Variants in NRG3 observed in about 807,000 individuals in gnomAD.
NRG3 encodes neuregulin 3, also known as pro-neuregulin-3, membrane-bound isoform.
Under a neutral mutation model 66.9 loss-of-function variants are expected in NRG3, and 31 were observed. The observed-to-expected ratio is 0.46, with a 90% CI of 0.35 to 0.63. NRG3 has a LOEUF of 0.63. NRG3 is among the 20% of genes least tolerant of loss of function. The probability of loss-of-function intolerance (pLI) is 0.00; values close to 1 mark genes in which losing one functional copy is unlikely to be tolerated. For missense variants in NRG3, 910 were observed against 878.9 expected (o/e 1.04, Z -0.45); for synonymous variants, 393 against 359.4 (o/e 1.09, Z -1.06).
At chr10:82,078,005 T>G (rs916671561) in intron 1 of NRG3, among the ~76,000 whole-genome samples, 5 of 152,314 alleles carry the variant, frequency 3.3e-5, no homozygotes, top group African/African-American at 1.2e-4. Context: ...CAATCTCCAG[T>G]TGGGCCCTTG....
chr10:82,936,805 G>A (rs917377097), intron 4 of NRG3, among the ~76,000 whole-genome samples: 4 of 152,106 alleles, frequency 2.6e-5, no homozygotes, highest in South Asian at 2.1e-4. Context: ...GAAGACAACT[G>A]TTAAACATAG....
At chr10:81,962,964 G>A (rs558772154) in intron 1 of NRG3, among the ~76,000 whole-genome samples, 22 of 152,122 alleles carry the variant, frequency 1.4e-4, no homozygotes, top group African/African-American at 5.3e-4. Context: ...GACACAACTC[G>A]CCCTGTTGCT....
At chr10:82,679,505 T>C (rs990959267) in intron 2 of NRG3, among the ~76,000 whole-genome samples, 2 of 152,202 alleles carry the variant, frequency 1.3e-5, no homozygotes, top group African/African-American at 4.8e-5. Flanking sequence ...TCTAAGTCTT[T>C]ACATATATTA....
In NRG3 at chr10:81,925,529, T is replaced by C. The variant is rs183163386; in HGVS notation, c.823+49366T>C. Reference sequence around the variant, plus strand: ...ATTTGTAAGGGCTGCCACACTGAGGTTGTGCTTGCAAATATGAAGTGCAAA... The same window carrying C: ...ATTTGTAAGGGCTGCCACACTGAGGCTGTGCTTGCAAATATGAAGTGCAAA... On this transcript the variant is annotated intron_variant, in intron 1 of 8. Coordinates refer to ENST00000372141, the MANE Select transcript of NRG3 (RefSeq NM_001010848.4). 1.2e-3 allele frequency among the ~76,000 whole-genome samples: 177 copies of C among 152,260 alleles called. 1 individual carries two copies. Among genetic ancestry groups the C allele is most frequent in the Middle Eastern group, 0.01 (3 of 294 alleles).
intron 1 of NRG3, among the ~76,000 whole-genome samples, chr10:82,098,729 G>T (rs1372637297): frequency 6.6e-6 from 1 of 152,016 alleles, no homozygotes. Context: ...TTCCCAATTT[G>T]TGGTTTGTCT....
At chr10:82,973,111 T>A (rs1851920940) in intron 6 of NRG3, among the ~76,000 whole-genome samples, 1 of 152,190 alleles carries the variant, frequency 6.6e-6, no homozygotes, top group South Asian at 2.1e-4. Flanking sequence ...GTTGACAACT[T>A]ATTGGCTCTT....
chr10:82,571,118 G>A (rs938121166), intron 2 of NRG3, among the ~76,000 whole-genome samples: 8 of 151,186 alleles, frequency 5.3e-5, no homozygotes, highest in African/African-American at 1.9e-4. Flanking sequence ...TTTTCTCTAT[G>A]TCTTCTAGGT....
intron 2 of NRG3, among the ~76,000 whole-genome samples, chr10:82,448,903 T>C (rs1022812452): frequency 1.3e-5 from 2 of 152,164 alleles, no homozygotes; most frequent in Admixed American, 6.5e-5. Flanking sequence ...AAAACTCTAT[T>C]ATAAACTCCA....
intron 2 of NRG3, among the ~76,000 whole-genome samples, chr10:82,421,668 C>T (rs747471566): frequency 6.6e-6 from 1 of 151,846 alleles, no homozygotes; most frequent in Admixed American, 6.6e-5. Flanking sequence ...TTTTTCTTTT[C>T]GTGGCCATAG....
At chr10:82,149,477 T>C (rs900947844) in intron 1 of NRG3, among the ~76,000 whole-genome samples, 1 of 152,194 alleles carries the variant, frequency 6.6e-6, no homozygotes, top group African/African-American at 2.4e-5. Flanking sequence ...TCATGTGTTT[T>C]ATTGCCTGTG....
At chr10:82,911,518 A>C (rs764097546) in intron 4 of NRG3, among the ~76,000 whole-genome samples, 2 of 151,730 alleles carry the variant, frequency 1.3e-5, no homozygotes, top group Non-Finnish European at 2.9e-5. Flanking sequence ...TAATTTATAA[A>C]ATTTGTGGGC....
intron 2 of NRG3, among the ~76,000 whole-genome samples, chr10:82,361,663 A>G (rs1382275264): frequency 6.6e-6 from 1 of 152,198 alleles, no homozygotes; most frequent in Non-Finnish European, 1.5e-5. Context: ...GTGCTTTGTA[A>G]TGTGTTTGGA....
At chr10:82,597,868 C>G (rs1306328033) in intron 2 of NRG3, among the ~76,000 whole-genome samples, 1 of 151,222 alleles carries the variant, frequency 6.6e-6, no homozygotes, top group Non-Finnish European at 1.5e-5. Context: ...TTGCAGTGAG[C>G]CGAGATCGCG....
chr10:82,408,060 A>AGAGC (rs1554911059), intron 2 of NRG3, among the ~76,000 whole-genome samples: 1 of 127,554 alleles, frequency 7.8e-6, no homozygotes, highest in African/African-American at 3.3e-5. Context: ...AGAGAGAGAG[A>AGAGC]GAGAGAGAGA....
intron 1 of NRG3, among the ~76,000 whole-genome samples, chr10:82,149,001 G>A (rs749425079): frequency 6.6e-6 from 1 of 151,886 alleles, no homozygotes; most frequent in Non-Finnish European, 1.5e-5. Flanking sequence ...CTGTCTACCC[G>A]GAATCAACTG....
At chr10:82,717,734 C>T (rs1340626476) in intron 2 of NRG3, among the ~76,000 whole-genome samples, 1 of 152,092 alleles carries the variant, frequency 6.6e-6, no homozygotes, top group African/African-American at 2.4e-5. Flanking sequence ...CCAAGCACAG[C>T]AGGTTTTAAG....
chr10:82,039,113 A>C (rs2062919142), intron 1 of NRG3, among the ~76,000 whole-genome samples: 2 of 152,124 alleles, frequency 1.3e-5, no homozygotes, highest in Admixed American at 6.6e-5. Flanking sequence ...AGAGGATAAG[A>C]TATTATGCAG....
chr10:81,969,772 AGTGTGTGTGTGTGT>A (rs151308270), intron 1 of NRG3, among the ~76,000 whole-genome samples: 12 of 144,896 alleles, frequency 8.3e-5, no homozygotes, highest in African/African-American at 2.5e-4. Flanking sequence ...GGACATTTTG[AGTGTGTGTGTGTGT>A]GTGTGTGTGT....
intron 1 of NRG3, among the ~76,000 whole-genome samples, chr10:81,926,954 C>T (rs898107621): frequency 1.3e-5 from 2 of 151,996 alleles, no homozygotes; most frequent in African/African-American, 2.4e-5. Context: ...CATAAAGGGC[C>T]GAGCATGCTC....
Sources: allele counts gnomAD v4.1 joint callset (sites outside exome capture counted in the v4.1 genomes callset), GRCh38; gene constraint gnomAD v4.1.1; transcripts MANE v1.5; gene names NCBI Gene and HGNC (gene_info 2026-07-23, HGNC 2026-07-21).